Variants in RUVBL1 observed in about 807,000 individuals in gnomAD.
The protein encoded by RUVBL1 is ruvB-like 1.
RUVBL1 carries 4 observed loss-of-function variants against 52.4 expected under a neutral mutation model. The ratio of observed to expected loss-of-function variants is 0.08; its 90% CI spans 0.04 to 0.17. The LOEUF is 0.17. Ranked by LOEUF, RUVBL1 falls within the 10% of genes least tolerant of loss-of-function variation. The probability of loss-of-function intolerance (pLI) is 1.00; values close to 1 mark genes in which losing one functional copy is unlikely to be tolerated. For missense variants in RUVBL1, 298 were observed against 572.8 expected, an observed-to-expected ratio of 0.52 and a Z score of 4.90; for synonymous variants, 217 against 214.4, an observed-to-expected ratio of 1.01 and a Z score of -0.10.
At chr3:128,103,779 T>A (rs978282667) in intron 4 of RUVBL1, among the ~76,000 whole-genome samples, 1 of 152,076 alleles carries the variant, frequency 6.6e-6, no homozygotes, top group Non-Finnish European at 1.5e-5. Context: ...TATACACACA[T>A]ACACACACGC....
At chr3:128,124,069 C>A (rs779352408), upstream of RUVBL1, among the ~76,000 whole-genome samples, 1 of 152,200 alleles carries the variant, frequency 6.6e-6, no homozygotes, top group Non-Finnish European at 1.5e-5. Flanking sequence ...CCCCCGGGTA[C>A]CACTCCTAAT....
At position 128,067,717 on chromosome 3, in the gene RUVBL1, T is replaced by C; in HGVS notation, c.940-2497A>G. 4.2e-6 allele frequency: 4 copies of C among 949,068 alleles called. No homozygotes were observed. In the South Asian group the frequency reaches 6.5e-5, roughly 15 times the overall value. The allele number at this position is 949,068 out of a possible 1,614,324, so 58.8% of individuals were successfully genotyped here. On this transcript the variant is annotated intron_variant, in intron 9 of 9. Transcript: ENST00000464873. The surrounding 1 kb of genome is among the most constrained non-coding windows in gnomAD (Gnocchi z 4.1). ...AATAATGGTCTGTGACGTGTGCAGATAGATCGTCGTCCTTTAGGGGGCAGT... is the reference window on the plus strand; with the variant it reads ...AATAATGGTCTGTGACGTGTGCAGACAGATCGTCGTCCTTTAGGGGGCAGT...
chr3:128,132,601 A>T (rs1461598891), intron 1 of RUVBL1, among the ~76,000 whole-genome samples: 1 of 152,112 alleles, frequency 6.6e-6, no homozygotes, highest in Non-Finnish European at 1.5e-5. Context: ...CCCTTATTTC[A>T]GGCTCTAGCT....
downstream of RUVBL1, among the ~76,000 whole-genome samples, chr3:128,077,911 C>T (rs866609732): frequency 9.8e-5 from 15 of 152,352 alleles, no homozygotes; most frequent in Non-Finnish European, 1.6e-4. Flanking sequence ...GATACAGCTA[C>T]ATGTGGGTCA....
Position 128,081,216 on chromosome 3 carries a change from G to A in RUVBL1, c.*34C>T. ...GGCTGGACCCAGGCCAGGCACACCTGGGGAGTCTCTTACTGCTGAAAACCT... is the reference window on the plus strand; with the variant it reads ...GGCTGGACCCAGGCCAGGCACACCTAGGGAGTCTCTTACTGCTGAAAACCT... On this transcript the variant is annotated 3_prime_UTR_variant, in exon 11 of 11. Transcript: ENST00000322623. This position sits in a 1 kb window ranked among gnomAD's most constrained non-coding sequence, Gnocchi z 4.8. The A allele has an allele frequency of 6.2e-7, 1 of 1,600,590 alleles. No homozygotes were observed. Among genetic ancestry groups the A allele is most frequent in the Non-Finnish European group, 8.5e-7 (1 of 1,170,750 alleles).
At chr3:128,093,058 C>G (rs1396200625) in intron 8 of RUVBL1, among the ~76,000 whole-genome samples, 1 of 151,998 alleles carries the variant, frequency 6.6e-6, no homozygotes, top group African/African-American at 2.4e-5. Flanking sequence ...AAGTTGTACA[C>G]AAATGTTCAG....
At chr3:128,094,739 C>T (rs1293869329) in intron 8 of RUVBL1, among the ~76,000 whole-genome samples, 1 of 152,198 alleles carries the variant, frequency 6.6e-6, no homozygotes, top group Non-Finnish European at 1.5e-5. Context: ...CTCAGTTAGT[C>T]ACCTCCCTTC....
intron 1 of RUVBL1, among the ~76,000 whole-genome samples, chr3:128,122,586 A>C (rs1460003053): frequency 6.6e-6 from 1 of 152,246 alleles, no homozygotes; most frequent in Non-Finnish European, 1.5e-5. Context: ...TTTTGGAAAG[A>C]TGATGCTCAA....
rs1559799431 is a variant in RUVBL1 at position 128,068,172 on chromosome 3, T to G, written c.940-2952A>C. On this transcript the variant is annotated intron_variant, in intron 9 of 9. Coordinates refer to the RUVBL1 transcript ENST00000464873. Reference sequence around the variant, plus strand: ...TTACTGGGTCACTAAATCTTATCCTTGGGTTACAGGACAGAATTAAATGTT... The same window carrying G: ...TTACTGGGTCACTAAATCTTATCCTGGGGTTACAGGACAGAATTAAATGTT... 4.0e-6 allele frequency: 3 copies of G among 753,846 alleles called. No individual in the cohort carries two copies. The East Asian group carries it at 7.8e-5, about 20-fold the overall frequency. 46.7% of individuals were successfully genotyped at this position (753,846 alleles called of 1,614,324 possible).
At chr3:128,093,044 A>G (rs1028494629) in intron 8 of RUVBL1, among the ~76,000 whole-genome samples, 6 of 152,254 alleles carry the variant, frequency 3.9e-5, no homozygotes, top group East Asian at 1.9e-4. Flanking sequence ...AAGAAAGAAA[A>G]AAAAAGTTGT....
At chr3:128,071,222 AT>A (rs1942158279) in intron 9 of RUVBL1, 1 of 153,048 alleles carries the variant, frequency 6.5e-6, no homozygotes, top group Non-Finnish European at 1.5e-5. Context: ...CAGAACCAAG[AT>A]GGGCCCCAGG....
intron 2 of RUVBL1, 52 bp from the exon 3 acceptor site, chr3:128,113,072 T>C: frequency 6.3e-7 from 1 of 1,595,560 alleles, no homozygotes; most frequent in South Asian, 1.1e-5. Flanking sequence ...AACATGACAG[T>C]TCAGAAACAC....
intron 9 of RUVBL1, among the ~76,000 whole-genome samples, chr3:128,073,412 G>A (rs934567882): frequency 9.2e-5 from 14 of 152,192 alleles, no homozygotes; most frequent in African/African-American, 3.1e-4. Context: ...GCTGGGATGA[G>A]CCTCCCATCT....
At chr3:128,124,477 C>A (rs148266535), upstream of RUVBL1, among the ~76,000 whole-genome samples, 80 of 152,316 alleles carry the variant, frequency 5.3e-4, no homozygotes, top group African/African-American at 1.7e-3. Flanking sequence ...TAGAAATCTT[C>A]AGGCTTCAAA....
rs758610032 is a variant in RUVBL1, at chr3:128,098,922, C to A, written c.777G>T (p.Met259Ile). 6.2e-7 allele frequency: 1 copy of A among 1,614,082 alleles called. No homozygotes were observed. Among genetic ancestry groups the A allele is most frequent in the Non-Finnish European group, 8.5e-7 (1 of 1,179,988 alleles). Residue 259 changes from methionine (M) to isoleucine (I), a missense_variant, in exon 7 of 11, where the codon ATG becomes ATT. By Grantham distance (10) the Met-to-Ile change is conservative. Coordinates refer to ENST00000322623, the MANE Select transcript of RUVBL1 (RefSeq NM_003707.3). ...TCTTTGGCTTCATTAGCTGGCCCAT[C>A]ATGGACAGGATATCTTGTCCCCCCT... The part of the protein sequence containing the change: ...RPQGGQDILS[M>I]MGQLMKPKKT...
At chr3:128,121,965 A>T (rs1943660639) in intron 1 of RUVBL1, among the ~76,000 whole-genome samples, 1 of 152,222 alleles carries the variant, frequency 6.6e-6, no homozygotes, top group African/African-American at 2.4e-5. Flanking sequence ...AAGATCACCT[A>T]GTCTAACTCT....
intron 3 of RUVBL1, among the ~76,000 whole-genome samples, chr3:128,108,936 T>C (rs1475938629): frequency 6.6e-6 from 1 of 152,200 alleles, no homozygotes; most frequent in East Asian, 1.9e-4. Context: ...ATATAGACGC[T>C]GAGCTAAAGA....
rs1943004677 is a variant in RUVBL1 at position 128,097,279 on chromosome 3, GCTGGCAGGCAGC to G, written c.1016+9_1016+20del. 6.2e-7 allele frequency: 1 copy of G among 1,608,608 alleles called. No individual in the cohort carries two copies. The highest frequency in any genetic ancestry group is 1.1e-5 in the South Asian group (1 of 90,694). ...AGATGGAAGTTAAAAAAGCCTTGTGGCTGGCAGGCAGCCATCCTACCTGATGACACAGTTGCC... is the reference window on the plus strand; with the variant it reads ...AGATGGAAGTTAAAAAAGCCTTGTGGCATCCTACCTGATGACACAGTTGCC... On this transcript the variant is annotated intron_variant, in intron 8 of 10. Transcript: ENST00000322623.
At chr3:128,137,239 CA>C (rs1943961149) in intron 1 of RUVBL1, among the ~76,000 whole-genome samples, 1 of 151,464 alleles carries the variant, frequency 6.6e-6, no homozygotes, top group African/African-American at 2.4e-5. Flanking sequence ...AATAAAAATA[CA>C]AAAAAGCAAT....
Sources: allele counts gnomAD v4.1 joint callset (sites outside exome capture counted in the v4.1 genomes callset), GRCh38; gene constraint gnomAD v4.1.1; non-coding constraint Gnocchi (gnomAD v3.1); transcripts MANE v1.5; gene names NCBI Gene and HGNC (gene_info 2026-07-23, HGNC 2026-07-21).